Variants in TTC21B observed in about 807,000 individuals in gnomAD.
TTC21B encodes tetratricopeptide repeat domain 21B.
Under a neutral mutation model 175.1 loss-of-function variants are expected in TTC21B, and 127 were observed. That is an observed-to-expected ratio of 0.73 (90% CI 0.63 to 0.84). The LOEUF (loss-of-function observed/expected upper bound fraction) is 0.84. Ranked by LOEUF, TTC21B falls within the 40% of genes least tolerant of loss-of-function variation. TTC21B has a pLI of 0.00. For synonymous variants in TTC21B, 524 were observed against 524.5 expected, an observed-to-expected ratio of 1.00 and a Z score of 0.01; for missense variants, 1,561 against 1,558.3, an observed-to-expected ratio of 1.00 and a Z score of -0.03.
chr2:165,918,563 G>A (rs1686270548), intron 13 of TTC21B, among the ~76,000 whole-genome samples: 1 of 152,108 alleles, frequency 6.6e-6, no homozygotes, highest in Admixed American at 6.5e-5. Context: ...CCAAAGTGCT[G>A]GGATTACAGG....
chr2:165,947,156 CTCT>C (rs1687599540), intron 3 of TTC21B: 2 of 76,390 alleles, frequency 2.6e-5, no homozygotes, highest in East Asian at 6.0e-4. Context: ...CTCTCTCTCT[CTCT>C]CCCCTCCCCC....
At position 165,926,991 on chromosome 2, in the gene TTC21B, CATATATAT is replaced by C. The variant is rs367965246; in HGVS notation, c.1386+2136_1386+2143del. On this transcript the variant is annotated intron_variant, in intron 11 of 28. Coordinates refer to ENST00000243344, the MANE Select transcript of TTC21B (RefSeq NM_024753.5). The stretch of plus-strand genomic sequence containing the variant: ...TATATGGAGTATATATATAAACTCC[CATATATAT>C]ATATATATATATATATATCTCCTAG... Among the ~76,000 whole-genome samples the C allele has an allele frequency of 1.4e-4, 2 of 14,610 alleles. 1 individual carries two copies. Among genetic ancestry groups the C allele is most frequent in the Non-Finnish European group, 3.2e-4 (2 of 6,224 alleles). 9.6% of individuals were successfully genotyped at this position (14,610 alleles called of 152,430 possible).
At chr2:165,935,064 A>G (rs1687076285) in intron 6 of TTC21B, among the ~76,000 whole-genome samples, 1 of 152,200 alleles carries the variant, frequency 6.6e-6, no homozygotes, top group Admixed American at 6.5e-5. Flanking sequence ...TGACTTCTCT[A>G]CATTATCTTT....
intron 6 of TTC21B, chr2:165,934,693 A>G (rs1687061692): frequency 1.3e-5 from 2 of 151,586 alleles, no homozygotes; most frequent in Non-Finnish European, 2.9e-5. Context: ...TCTCAACACA[A>G]TAAAAGAAAT....
intron 28 of TTC21B, among the ~76,000 whole-genome samples, chr2:165,875,827 T>TA (rs200640181): frequency 1.1e-4 from 16 of 151,334 alleles, no homozygotes; most frequent in Non-Finnish European, 1.8e-4. Flanking sequence ...TTTTTTTTTT[T>TA]AAAGTAAAAG....
At chr2:165,948,709 C>G (rs1319395405) in intron 3 of TTC21B, 1 of 152,298 alleles carries the variant, frequency 6.6e-6, no homozygotes, top group Non-Finnish European at 1.5e-5. Flanking sequence ...GTTCACATAA[C>G]TTTATTTTTT....
chr2:165,876,780 G>A (rs1286769917), intron 27 of TTC21B, among the ~76,000 whole-genome samples: 1 of 152,222 alleles, frequency 6.6e-6, no homozygotes, highest in African/African-American at 2.4e-5. Context: ...AGGGTATCAA[G>A]AGATGTCTGA....
At position 165,883,986 on chromosome 2, in the gene TTC21B, T is replaced by C; in HGVS notation, c.3492A>G (p.Ala1164=). The C allele has an allele frequency of 6.2e-7, 1 of 1,614,110 alleles. No individual in the cohort carries two copies. The part of the protein sequence containing the change: ...KEHIPALLGM[A]TAYMILKQTP... ...TCTGTTTCAAGATCATATAAGCCGT[T>C]GCCATTCCCAAGAGCGCTGGGATAT... is the stretch of plus-strand genomic sequence containing the variant. The change falls in exon 26 of 29, where the codon GCA becomes GCG. Residue 1164 remains alanine, a synonymous_variant. Coordinates refer to ENST00000243344, the MANE Select transcript of TTC21B (RefSeq NM_024753.5).
chr2:165,919,313 G>A lies in TTC21B; in HGVS notation c.1637C>T (p.Ser546Phe), dbSNP rs140323384. 5.3e-5 allele frequency: 86 copies of A among 1,614,064 alleles called. No individual in the cohort carries two copies. The African/African-American group carries it at 1.0e-3, about 20-fold the overall frequency. ...YLSQEKVKLCSQSLELCLSYD... is the reference protein window; with the variant it reads ...YLSQEKVKLCFQSLELCLSYD... ...GCTCAGACAAAGTTCAAGAGACTGA[G>A]AACACAATTTGACTTTTTCTTGAGA... The change falls in exon 13 of 29, where the codon TCT (serine) becomes TTT (phenylalanine). Residue 546 changes from serine to phenylalanine, a missense_variant. Coordinates refer to ENST00000243344, the MANE Select transcript of TTC21B (RefSeq NM_024753.5).
chr2:165,901,992 A>G, intron 19 of TTC21B, 82 bp from the exon 20 acceptor site: 1 of 1,209,956 alleles, frequency 8.3e-7, no homozygotes, highest in Admixed American at 2.0e-5. Context: ...ATAATTTTAC[A>G]GATTTATTTA....
chr2:165,903,752 A>C (rs1685642067), intron 19 of TTC21B, among the ~76,000 whole-genome samples: 1 of 152,248 alleles, frequency 6.6e-6, no homozygotes, highest in African/African-American at 2.4e-5. Flanking sequence ...GCAACTTTGC[A>C]AAAACACTAT....
intron 6 of TTC21B, among the ~76,000 whole-genome samples, chr2:165,938,214 T>A (rs542456160): frequency 9.2e-5 from 14 of 151,924 alleles, no homozygotes; most frequent in South Asian, 6.2e-4. Context: ...TTTTTTTTTT[T>A]AAACCTGGAA....
Position 165,924,633 on chromosome 2 carries a change from T to A in TTC21B, c.1432A>T (p.Ile478Phe), listed in dbSNP as rs948455096. 2.5e-6 allele frequency: 4 copies of A among 1,613,692 alleles called. No homozygotes were observed. The highest frequency in any genetic ancestry group is 3.3e-4 in the Middle Eastern group (2 of 6,080). The change falls in exon 12 of 29, where the codon ATC becomes TTC. Residue 478 changes from isoleucine (I) to phenylalanine (F), a missense_variant. By Grantham distance (21) the Ile-to-Phe change is conservative. Coordinates refer to ENST00000243344, the MANE Select transcript of TTC21B (RefSeq NM_024753.5). ...CTTACTACAGTCTCCAGGACTGAGATGCAACGCCTGAGAAGTGGACAAAGA... is the reference window on the plus strand; with the variant it reads ...CTTACTACAGTCTCCAGGACTGAGAAGCAACGCCTGAGAAGTGGACAAAGA... The part of the protein sequence containing the change: ...QPLCPLLRRC[I>F]SVLETVVRTV...
chr2:165,894,435 G>C (rs1685294400), intron 22 of TTC21B, among the ~76,000 whole-genome samples: 1 of 152,168 alleles, frequency 6.6e-6, no homozygotes, highest in Non-Finnish European at 1.5e-5. Flanking sequence ...AAAATGAACG[G>C]AGATGCATGT....
chr2:165,889,254 C>T (rs1685107791), intron 24 of TTC21B, among the ~76,000 whole-genome samples: 1 of 152,172 alleles, frequency 6.6e-6, no homozygotes, highest in Non-Finnish European at 1.5e-5. Flanking sequence ...TGTTGACTAC[C>T]ACTTCAAAGT....
At chr2:165,929,442 T>C in intron 10 of TTC21B, 107 bp from the exon 11 acceptor site, 1 of 1,038,452 alleles carries the variant, frequency 9.6e-7, no homozygotes, top group Non-Finnish European at 1.4e-6. Flanking sequence ...CAATTATTTG[T>C]TCAAACTCAA....
At chr2:165,928,340 A>G (rs1686753568) in intron 11 of TTC21B, among the ~76,000 whole-genome samples, 1 of 152,182 alleles carries the variant, frequency 6.6e-6, no homozygotes, top group Non-Finnish European at 1.5e-5. Context: ...GTCTTTAATT[A>G]ACTGTTAATT....
intron 25 of TTC21B, among the ~76,000 whole-genome samples, chr2:165,885,470 T>G (rs986234563): frequency 2.0e-5 from 3 of 152,148 alleles, no homozygotes; most frequent in Admixed American, 6.5e-5. Context: ...ATGGTTTGAG[T>G]GTCAAATCCA....
intron 12 of TTC21B, among the ~76,000 whole-genome samples, chr2:165,920,179 T>C (rs1391405346): frequency 2.0e-5 from 3 of 152,124 alleles, no homozygotes; most frequent in African/African-American, 7.2e-5. Context: ...ACCTCATAAA[T>C]GGGCCTTAAG....
Sources: gnomAD v4.1 joint callset for allele counts (sites outside exome capture counted in the v4.1 genomes callset) on GRCh38, gnomAD v4.1.1 for gene constraint, MANE v1.5 for transcripts, NCBI Gene and HGNC (gene_info 2026-07-23, HGNC 2026-07-21) for gene names.